Variants in ARID1B observed in about 807,000 individuals in gnomAD.
The protein encoded by ARID1B is AT-rich interaction domain 1B.
In ARID1B, 30 loss-of-function variants were observed where a neutral mutation model predicts 212.3. The ratio of observed to expected loss-of-function variants is 0.14; its 90% CI spans 0.11 to 0.19. ARID1B has a LOEUF of 0.19. Ranked by LOEUF, ARID1B falls within the 10% of genes least tolerant of loss-of-function variation. The probability of loss-of-function intolerance (pLI) is 1.00; values close to 1 mark genes in which losing one functional copy is unlikely to be tolerated. For synonymous variants in ARID1B, 1,402 were observed against 1,301.7 expected, an observed-to-expected ratio of 1.08 and a Z score of -1.66; for missense variants, 2,891 against 3,204.0, an observed-to-expected ratio of 0.90 and a Z score of 2.36.
intron 3 of ARID1B, among the ~76,000 whole-genome samples, chr6:156,925,201 G>A (rs1033645126): frequency 7.2e-5 from 11 of 152,198 alleles, no homozygotes; most frequent in Non-Finnish European, 1.6e-4. Context: ...GCCAGGGACT[G>A]CAGGTCCTTG....
chr6:157,025,005 G>C (rs1487965973), intron 4 of ARID1B, among the ~76,000 whole-genome samples: 1 of 152,194 alleles, frequency 6.6e-6, no homozygotes, highest in African/African-American at 2.4e-5. Flanking sequence ...CTGCAGTTCT[G>C]ATTTTAAGTT....
At chr6:157,161,596 G>C (rs539776956) in intron 8 of ARID1B, among the ~76,000 whole-genome samples, 2 of 152,186 alleles carry the variant, frequency 1.3e-5, no homozygotes, top group African/African-American at 4.8e-5. Flanking sequence ...AGTGATGCTA[G>C]ATACATGTGT....
Position 157,206,833 on chromosome 6 carries a change from A to G in ARID1B, c.6061A>G (p.Thr2021Ala). 1 of 1,614,120 alleles carries G rather than the reference A, an allele frequency of 6.2e-7. No homozygotes were observed. The highest frequency in any genetic ancestry group is 2.2e-5 in the East Asian group (1 of 44,886). ...TGAAGACGCAAACCCTGGGCCCCAG[A>G]CCGAAAGCAGTAAGTTTCCCTTTGG... is the stretch of plus-strand genomic sequence containing the variant. Reference protein sequence around the residue: ...LPEDANPGPQTESSKFPFGIQ... With the variant: ...LPEDANPGPQAESSKFPFGIQ... The change falls in exon 20 of 20, where the codon ACC (threonine) becomes GCC (alanine). Residue 2021 changes from threonine to alanine, a missense_variant. Physicochemically the swap from Thr to Ala is moderately conservative, Grantham distance 58. This residue lies in a region of ARID1B where 332 missense variants were observed against 369.2 expected (regional missense o/e 0.90). Coordinates refer to ENST00000636930, the MANE Select transcript of ARID1B (RefSeq NM_001374828.1). This position sits in a 1 kb window ranked among gnomAD's most constrained non-coding sequence, Gnocchi z 6.8.
chr6:156,936,007 A>G (rs2128276508), intron 4 of ARID1B: 1 of 153,718 alleles, frequency 6.5e-6, no homozygotes, highest in East Asian at 1.9e-4. Context: ...TTCTTCTAGG[A>G]CTTTCTATTT....
intron 11 of ARID1B, among the ~76,000 whole-genome samples, chr6:157,178,113 CCT>C (rs1792232990): frequency 1.3e-5 from 2 of 152,182 alleles, no homozygotes; most frequent in East Asian, 3.8e-4. Context: ...GCGGACGCAA[CCT>C]CTTGCTCAGC....
intron 4 of ARID1B, among the ~76,000 whole-genome samples, chr6:157,028,639 G>GTGA (rs1289046481): frequency 6.6e-6 from 1 of 152,180 alleles, no homozygotes; most frequent in East Asian, 1.9e-4. Flanking sequence ...TTTGATACAT[G>GTGA]TGATTTCCTT....
intron 2 of ARID1B, among the ~76,000 whole-genome samples, chr6:156,846,394 T>C (rs1784235678): frequency 6.6e-6 from 1 of 151,794 alleles, no homozygotes; most frequent in South Asian, 2.1e-4. Context: ...CTCAAACTCC[T>C]GACCTCGTGA....
intron 4 of ARID1B, among the ~76,000 whole-genome samples, chr6:157,021,877 G>GCGC (rs891595065): frequency 6.6e-6 from 1 of 151,948 alleles, no homozygotes; most frequent in African/African-American, 2.4e-5. Flanking sequence ...GCGCCGTCTC[G>GCGC]CGCCGCCGCC....
At chr6:157,189,983 GT>G in intron 14 of ARID1B, 54 bp from the exon 15 acceptor site, 3 of 1,601,050 alleles carry the variant, frequency 1.9e-6, no homozygotes, top group Non-Finnish European at 2.6e-6. Flanking sequence ...TGAATGTACT[GT>G]TTGGAGGTAA....
At chr6:157,048,584 G>A (rs1782390925) in intron 4 of ARID1B, among the ~76,000 whole-genome samples, 1 of 152,204 alleles carries the variant, frequency 6.6e-6, no homozygotes, top group African/African-American at 2.4e-5. Context: ...TTTTGATAAT[G>A]TATTACTGCC....
chr6:156,900,906 G>A (rs147936484), intron 2 of ARID1B, among the ~76,000 whole-genome samples: 2,071 of 152,266 alleles, frequency 0.014, 43 homozygotes, highest in African/African-American at 0.047. Flanking sequence ...AATGCCGTTG[G>A]TATATTCTGA....
intron 8 of ARID1B, chr6:157,150,977 A>G (rs1418189795): frequency 6.0e-6 from 1 of 167,292 alleles, no homozygotes; most frequent in Non-Finnish European, 1.3e-5. Context: ...CTAACAGAAA[A>G]TCCATCTCCA....
At chr6:157,105,342 G>T (rs1007430564) in intron 5 of ARID1B, among the ~76,000 whole-genome samples, 1 of 151,790 alleles carries the variant, frequency 6.6e-6, no homozygotes, top group Admixed American at 6.6e-5. Flanking sequence ...AAAAATTTCC[G>T]CTACAAAAGA....
intron 2 of ARID1B, among the ~76,000 whole-genome samples, chr6:156,867,043 G>A (rs1785748929): frequency 6.6e-6 from 1 of 152,146 alleles, no homozygotes; most frequent in Non-Finnish European, 1.5e-5. Context: ...TTATTATAAT[G>A]CTATTTGTGT....
intron 2 of ARID1B, among the ~76,000 whole-genome samples, chr6:156,895,850 C>A (rs1339830051): frequency 6.6e-6 from 1 of 152,128 alleles, no homozygotes; most frequent in African/African-American, 2.4e-5. Flanking sequence ...ATGGCTGAAG[C>A]CACGCCCCAT....
At chr6:157,070,331 A>G (rs926267632) in intron 4 of ARID1B, among the ~76,000 whole-genome samples, 8 of 152,144 alleles carry the variant, frequency 5.3e-5, no homozygotes, top group African/African-American at 1.9e-4. Context: ...ATAAAAATCT[A>G]TATTGGAATT....
At chr6:156,803,069 G>GT (rs903006189) in intron 1 of ARID1B, among the ~76,000 whole-genome samples, 12 of 150,640 alleles carry the variant, frequency 8.0e-5, no homozygotes, top group Non-Finnish European at 1.2e-4. Context: ...AACCTATTTT[G>GT]TTTTTTTTTA....
Position 157,102,194 on chromosome 6 carries a change from A to C in ARID1B, c.2492-8278A>C, listed in dbSNP as rs145029023. ...GAATTTTAACCTCAATAAAGGATTA[A>C]TGTGGGAATCCTATTCACCTCATGT... On this transcript the variant is annotated intron_variant, in intron 5 of 19. Coordinates refer to ENST00000636930, the MANE Select transcript of ARID1B (RefSeq NM_001374828.1). 2.6e-3 allele frequency among the ~76,000 whole-genome samples: 401 copies of C among 152,324 alleles called. 2 individuals are homozygous for C. The highest frequency in any genetic ancestry group is 9.1e-3 in the African/African-American group (379 of 41,570).
intron 4 of ARID1B, among the ~76,000 whole-genome samples, chr6:157,015,892 T>C (rs1045134846): frequency 6.6e-6 from 1 of 152,266 alleles, no homozygotes; most frequent in Non-Finnish European, 1.5e-5. Context: ...AAAGCTGTGA[T>C]GTGAATCCTG....
Sources: gnomAD v4.1 joint callset for allele counts (sites outside exome capture counted in the v4.1 genomes callset) on GRCh38, gnomAD v4.1.1 for gene constraint, gnomAD v4.1.1 regional missense constraint, Gnocchi (gnomAD v3.1) non-coding constraint, MANE v1.5 for transcripts, NCBI Gene and HGNC (gene_info 2026-07-23, HGNC 2026-07-21) for gene names.